The following ROBO2 variants were observed in gnomAD, a reference collection of about 807,000 sequenced individuals.
ROBO2 encodes the protein roundabout homolog 2.
ROBO2 carries 53 observed loss-of-function variants against 160.8 expected under a neutral mutation model. The ratio of observed to expected loss-of-function variants is 0.33; its 90% CI spans 0.26 to 0.41. The LOEUF (loss-of-function observed/expected upper bound fraction) is 0.41. Ranked by LOEUF, ROBO2 falls within the 10% of genes least tolerant of loss-of-function variation. ROBO2 has a pLI of 1.00. For synonymous variants in ROBO2, 664 were observed against 611.7 expected, an observed-to-expected ratio of 1.09 and a Z score of -1.26; for missense variants, 1,577 against 1,722.4, an observed-to-expected ratio of 0.92 and a Z score of 1.49.
intron 16 of ROBO2, among the ~76,000 whole-genome samples, chr3:77,584,920 A>T (rs1343861678): frequency 6.7e-6 from 1 of 149,274 alleles, no homozygotes; most frequent in Non-Finnish European, 1.5e-5. Context: ...GTATACACAC[A>T]TACATATATA....
At chr3:76,699,089 A>T (rs2092993320) in intron 2 of ROBO2, among the ~76,000 whole-genome samples, 1 of 152,204 alleles carries the variant, frequency 6.6e-6, no homozygotes, top group South Asian at 2.1e-4. Flanking sequence ...TAAATTCTCT[A>T]GGCATTTATT....
At chr3:77,130,562 G>A (rs2075764852) in intron 2 of ROBO2, among the ~76,000 whole-genome samples, 1 of 152,168 alleles carries the variant, frequency 6.6e-6, no homozygotes, top group Non-Finnish European at 1.5e-5. Context: ...CTGCAATTAT[G>A]TTTGCACCAA....
intron 2 of ROBO2, among the ~76,000 whole-genome samples, chr3:77,297,996 G>A (rs1277069513): frequency 6.6e-6 from 1 of 152,128 alleles, no homozygotes; most frequent in Non-Finnish European, 1.5e-5. Flanking sequence ...GAGTCCATCA[G>A]TGGATGGGCT....
At chr3:77,583,416 A>C (rs999073736) in intron 16 of ROBO2, among the ~76,000 whole-genome samples, 2 of 152,056 alleles carry the variant, frequency 1.3e-5, no homozygotes, top group Admixed American at 1.3e-4. Context: ...ATGGGAGTGC[A>C]TATCCCAATA....
intron 2 of ROBO2, among the ~76,000 whole-genome samples, chr3:76,100,842 A>G (rs1230028888): frequency 6.6e-6 from 1 of 152,168 alleles, no homozygotes; most frequent in East Asian, 1.9e-4. Context: ...ATACTGGGTT[A>G]AGTTCTCCTC....
chr3:76,657,591 T>A (rs967326341), intron 2 of ROBO2, among the ~76,000 whole-genome samples: 9 of 145,366 alleles, frequency 6.2e-5, no homozygotes, highest in East Asian at 4.0e-4. Context: ...CTAAAAAAAA[T>A]ATATATATGT....
At chr3:77,063,635 G>A (rs1038727408) in intron 1 of ROBO2, among the ~76,000 whole-genome samples, 3 of 152,174 alleles carry the variant, frequency 2.0e-5, no homozygotes, top group East Asian at 1.9e-4. Context: ...AGGCTACTTC[G>A]TGTGAAGAGC....
At chr3:77,544,030 A>G (rs193240813) in intron 6 of ROBO2, among the ~76,000 whole-genome samples, 2 of 152,112 alleles carry the variant, frequency 1.3e-5, no homozygotes, top group Admixed American at 6.5e-5. Context: ...CAAAGAGATA[A>G]CTATATACTC....
At chr3:75,944,261 C>T (rs369016577) in intron 2 of ROBO2, among the ~76,000 whole-genome samples, 9 of 152,168 alleles carry the variant, frequency 5.9e-5, no homozygotes, top group South Asian at 2.1e-4. Flanking sequence ...AACTAAAGTA[C>T]GAGAGCCTGA....
intron 2 of ROBO2, among the ~76,000 whole-genome samples, chr3:77,391,168 C>A (rs993723741): frequency 6.6e-6 from 1 of 151,944 alleles, no homozygotes; most frequent in Non-Finnish European, 1.5e-5. Context: ...AAGTATTGTA[C>A]AAGTTTAGAA....
chr3:76,427,268 A>T (rs546040687), intron 2 of ROBO2, among the ~76,000 whole-genome samples: 45 of 152,218 alleles, frequency 3.0e-4, no homozygotes, highest in African/African-American at 1.1e-3. Context: ...TGCCTAAAAA[A>T]AAAAACCACT....
At chr3:77,630,681 A>C (rs1267052416) in intron 23 of ROBO2, 6 of 152,140 alleles carry the variant, frequency 3.9e-5, no homozygotes, top group Admixed American at 3.9e-4. Context: ...ACATGTATGT[A>C]AGTGCTTCAC....
intron 2 of ROBO2, among the ~76,000 whole-genome samples, chr3:77,281,369 G>A (rs2060227055): frequency 6.6e-6 from 1 of 152,040 alleles, no homozygotes; most frequent in Non-Finnish European, 1.5e-5. Context: ...AAAAACAAAA[G>A]GACAAAAGGT....
intron 2 of ROBO2, among the ~76,000 whole-genome samples, chr3:76,886,222 C>T (rs754344319): frequency 4.0e-5 from 6 of 150,250 alleles, no homozygotes; most frequent in South Asian, 4.2e-4. Flanking sequence ...TGAGATTCTA[C>T]GCCTTTTATA....
intron 2 of ROBO2, among the ~76,000 whole-genome samples, chr3:76,085,673 A>T (rs1333130914): frequency 1.3e-5 from 2 of 152,192 alleles, no homozygotes; most frequent in Admixed American, 6.6e-5. Flanking sequence ...AGGCAGATAC[A>T]GAGTTTCAAA....
chr3:77,264,054 TCA>T (rs1244966402), intron 2 of ROBO2, among the ~76,000 whole-genome samples: 1 of 152,114 alleles, frequency 6.6e-6, no homozygotes, highest in Non-Finnish European at 1.5e-5. Context: ...ACCACCATCA[TCA>T]TCACCATCAT....
At chr3:77,135,561 C>T (rs753865053) in intron 2 of ROBO2, among the ~76,000 whole-genome samples, 7 of 151,964 alleles carry the variant, frequency 4.6e-5, no homozygotes, top group African/African-American at 9.7e-5. Context: ...CCACCATATC[C>T]GGCTAATTTT....
chr3:76,558,568 C>T (rs2083957264), intron 2 of ROBO2, among the ~76,000 whole-genome samples: 1 of 151,970 alleles, frequency 6.6e-6, no homozygotes, highest in Admixed American at 6.6e-5. Context: ...TACATTTATA[C>T]AAAATAACCA....
At chr3:77,159,806 G>T (rs184431845) in intron 2 of ROBO2, among the ~76,000 whole-genome samples, 1 of 152,066 alleles carries the variant, frequency 6.6e-6, no homozygotes, top group Admixed American at 6.6e-5. Context: ...CTATGGAGAA[G>T]TCCTACTTGT....
Sources: allele counts gnomAD v4.1 joint callset (sites outside exome capture counted in the v4.1 genomes callset), GRCh38; gene constraint gnomAD v4.1.1; transcripts MANE v1.5; gene names NCBI Gene and HGNC (gene_info 2026-07-23, HGNC 2026-07-21).